KCNH8: variants seen among roughly 807,000 people sequenced by gnomAD.
KCNH8 encodes the protein voltage-gated delayed rectifier potassium channel KCNH8.
Under a neutral mutation model 103.6 loss-of-function variants are expected in KCNH8, and 70 were observed. The observed-to-expected ratio is 0.68, with a 90% CI of 0.56 to 0.82. The LOEUF is 0.82. Ranked by LOEUF, KCNH8 falls within the 40% of genes least tolerant of loss-of-function variation. The pLI, the probability that KCNH8 is intolerant of heterozygous loss-of-function variation, is 0.00. For synonymous variants in KCNH8, 498 were observed against 489.4 expected, an observed-to-expected ratio of 1.02 and a Z score of -0.23; for missense variants, 1,217 against 1,329.9, an observed-to-expected ratio of 0.92 and a Z score of 1.32.
chr3:19,410,424 G>A (rs764933688), intron 7 of KCNH8, among the ~76,000 whole-genome samples: 8 of 151,970 alleles, frequency 5.3e-5, no homozygotes, highest in Non-Finnish European at 5.9e-5. Flanking sequence ...AGCACTAAAC[G>A]CCTACCTCAA....
At chr3:19,164,666 G>C (rs370729201) in intron 1 of KCNH8, among the ~76,000 whole-genome samples, 3 of 152,154 alleles carry the variant, frequency 2.0e-5, no homozygotes. Flanking sequence ...ATGATCATAC[G>C]TGACTTCACT....
intron 1 of KCNH8, among the ~76,000 whole-genome samples, chr3:19,244,904 C>T (rs1262024027): frequency 6.6e-6 from 1 of 152,052 alleles, no homozygotes; most frequent in Non-Finnish European, 1.5e-5. Flanking sequence ...TAGCTTCTTT[C>T]ATTCTGCAGG....
At chr3:19,318,875 G>A (rs1245657152) in intron 3 of KCNH8, among the ~76,000 whole-genome samples, 2 of 151,632 alleles carry the variant, frequency 1.3e-5, no homozygotes, top group African/African-American at 2.4e-5. Context: ...GTCGCATTGT[G>A]GTTTTGACTT....
At chr3:19,291,336 A>G (rs1477360865) in intron 3 of KCNH8, among the ~76,000 whole-genome samples, 2 of 152,196 alleles carry the variant, frequency 1.3e-5, no homozygotes, top group East Asian at 1.9e-4. Context: ...TTGTGATGTT[A>G]GGGTGTCAAT....
At chr3:19,168,045 T>C (rs1037772122) in intron 1 of KCNH8, among the ~76,000 whole-genome samples, 70 of 151,742 alleles carry the variant, frequency 4.6e-4, no homozygotes, top group African/African-American at 1.4e-3. Context: ...AGTTTCACTA[T>C]TGTCACCCAG....
At chr3:19,278,859 G>T (rs1022590486) in intron 2 of KCNH8, among the ~76,000 whole-genome samples, 8 of 152,148 alleles carry the variant, frequency 5.3e-5, no homozygotes, top group African/African-American at 1.9e-4. Flanking sequence ...AGTGAATATT[G>T]CCATATCAAC....
intron 3 of KCNH8, among the ~76,000 whole-genome samples, chr3:19,285,893 G>GAAA (rs2064825336): frequency 6.6e-6 from 1 of 152,042 alleles, no homozygotes; most frequent in African/African-American, 2.4e-5. Context: ...AGACAAGGAA[G>GAAA]CAAGATAGAG....
intron 11 of KCNH8, among the ~76,000 whole-genome samples, chr3:19,465,941 T>C (rs2067726164): frequency 6.6e-6 from 1 of 152,096 alleles, no homozygotes; most frequent in African/African-American, 2.4e-5. Context: ...TTATTTTATT[T>C]ATTTATTTAT....
At chr3:19,451,887 A>C (rs1486655084) in intron 10 of KCNH8, among the ~76,000 whole-genome samples, 1 of 152,180 alleles carries the variant, frequency 6.6e-6, no homozygotes, top group Admixed American at 6.6e-5. Flanking sequence ...CATTAACCTA[A>C]TACTGTCAAG....
At chr3:19,488,105 T>C (rs1224006237) in intron 11 of KCNH8, among the ~76,000 whole-genome samples, 5 of 152,220 alleles carry the variant, frequency 3.3e-5, no homozygotes, top group African/African-American at 7.2e-5. Context: ...TTCAGCCAGA[T>C]TGAACAAAGC....
chr3:19,267,834 T>G (rs2064533935), intron 2 of KCNH8, among the ~76,000 whole-genome samples: 1 of 152,142 alleles, frequency 6.6e-6, no homozygotes, highest in Admixed American at 6.6e-5. Context: ...TATGTGATTT[T>G]GAGCAATTAA....
intron 1 of KCNH8, among the ~76,000 whole-genome samples, chr3:19,195,093 A>G (rs1194632968): frequency 6.6e-6 from 1 of 151,926 alleles, no homozygotes; most frequent in Non-Finnish European, 1.5e-5. Context: ...TTCTATAATC[A>G]AATTTTTCCC....
intron 7 of KCNH8, among the ~76,000 whole-genome samples, chr3:19,426,149 C>T (rs181481534): frequency 1.2e-4 from 18 of 152,240 alleles, no homozygotes; most frequent in Non-Finnish European, 2.1e-4. Context: ...CTGAGAATCC[C>T]TGATGCTACT....
chr3:19,357,859 A>G (rs1305241368), intron 5 of KCNH8, among the ~76,000 whole-genome samples: 1 of 151,970 alleles, frequency 6.6e-6, no homozygotes, highest in Non-Finnish European at 1.5e-5. Context: ...AAATAAAGGG[A>G]TAAAGCTGAG....
intron 1 of KCNH8, among the ~76,000 whole-genome samples, chr3:19,160,273 G>A (rs1380656800): frequency 6.6e-6 from 1 of 152,108 alleles, no homozygotes; most frequent in African/African-American, 2.4e-5. Flanking sequence ...ATTTTGTGAA[G>A]CATGACTTTT....
chr3:19,413,106 CAT>C (rs990444291), intron 7 of KCNH8, among the ~76,000 whole-genome samples: 7 of 150,050 alleles, frequency 4.7e-5, no homozygotes, highest in African/African-American at 1.7e-4. Context: ...ATAGCAAAGA[CAT>C]AGATTCAATA....
intron 2 of KCNH8, among the ~76,000 whole-genome samples, chr3:19,269,753 C>T (rs2064561933): frequency 6.6e-6 from 1 of 152,112 alleles, no homozygotes; most frequent in African/African-American, 2.4e-5. Flanking sequence ...AGCTTCCGCT[C>T]ATGGATTTCA....
chr3:19,496,906 C>A (rs1326822823), intron 11 of KCNH8, among the ~76,000 whole-genome samples: 1 of 151,998 alleles, frequency 6.6e-6, no homozygotes, highest in Non-Finnish European at 1.5e-5. Context: ...TAATTTCCTC[C>A]TGGTTCAGTT....
At chr3:19,314,387 TAGAC>T (rs2065246220) in intron 3 of KCNH8, among the ~76,000 whole-genome samples, 1 of 151,800 alleles carries the variant, frequency 6.6e-6, no homozygotes, top group African/African-American at 2.4e-5. Flanking sequence ...ATGGACAGCA[TAGAC>T]AGACACTGAT....
Sources: gnomAD v4.1 joint callset for allele counts (sites outside exome capture counted in the v4.1 genomes callset) on GRCh38, gnomAD v4.1.1 for gene constraint, MANE v1.5 for transcripts, NCBI Gene and HGNC (gene_info 2026-07-23, HGNC 2026-07-21) for gene names.